REV3L: variants seen among roughly 807,000 people sequenced by gnomAD.
REV3L encodes DNA polymerase zeta catalytic subunit.
Under a neutral mutation model 299.4 loss-of-function variants are expected in REV3L, and 69 were observed. The observed-to-expected ratio is 0.23, with a 90% CI of 0.19 to 0.28. REV3L has a LOEUF of 0.28. REV3L is among the 10% of genes least tolerant of loss of function. The pLI, the probability that REV3L is intolerant of heterozygous loss-of-function variation, is 1.00. For missense variants in REV3L, 3,128 were observed against 3,693.8 expected, an observed-to-expected ratio of 0.85 and a Z score of 3.97; for synonymous variants, 1,238 against 1,271.4, an observed-to-expected ratio of 0.97 and a Z score of 0.56.
In REV3L at chr6:111,358,805, A is replaced by T; in HGVS notation, c.7072+17T>A. The stretch of plus-strand genomic sequence containing the variant: ...CCTAGAGTGGGCAGGTATATCATTA[A>T]TAAAAATGGACAATACCTTGACTGA... On this transcript the variant is annotated intron_variant, in intron 17 of 31. Transcript: ENST00000368802. 1 of 1,588,648 alleles carries T rather than the reference A, an allele frequency of 6.3e-7. No individual in the cohort carries two copies. Among genetic ancestry groups the T allele is most frequent in the African/African-American group, 1.3e-5 (1 of 74,670 alleles).
Position 111,375,903 on chromosome 6 carries a change from T to C in REV3L, c.2452A>G (p.Thr818Ala), listed in dbSNP as rs141930446. The C allele has an allele frequency of 4.7e-4, 757 of 1,614,034 alleles. 4 individuals are homozygous for C. The highest frequency in any genetic ancestry group is 1.5e-3 in the Middle Eastern group (9 of 6,062). Reference protein sequence around the residue: ...LTRPQKLSPVTYKLQPGNKPS... With the variant: ...LTRPQKLSPVAYKLQPGNKPS... ...TTATTGCCAGGTTGTAATTTATATG[T>C]GACAGGAGATAGTTTCTGTGGTCTA... Residue 818 changes from threonine (T) to alanine (A), a missense_variant, in exon 13 of 32, where the codon ACA (threonine) becomes GCA (alanine). Physicochemically the swap from Thr to Ala is moderately conservative, Grantham distance 58. Coordinates refer to ENST00000368802, the MANE Select transcript of REV3L (RefSeq NM_001372078.1).
chr6:111,436,100 T>G (rs1454777341), intron 1 of REV3L, among the ~76,000 whole-genome samples: 2 of 152,190 alleles, frequency 1.3e-5, no homozygotes, highest in Non-Finnish European at 1.5e-5. Context: ...AAAATCATAA[T>G]GCGATATCAT....
intron 26 of REV3L, among the ~76,000 whole-genome samples, chr6:111,317,013 G>T (rs753861328): frequency 1.3e-5 from 2 of 152,042 alleles, no homozygotes; most frequent in Non-Finnish European, 2.9e-5. Context: ...ACCAACAGAA[G>T]TAATGGTTAA....
intron 26 of REV3L, among the ~76,000 whole-genome samples, chr6:111,319,950 C>T (rs1582495545): frequency 1.3e-5 from 2 of 151,706 alleles, no homozygotes; most frequent in South Asian, 4.2e-4. Flanking sequence ...CTGCCTCAGC[C>T]TCCTGAGTAG....
At chr6:111,351,916 G>C in intron 18 of REV3L, 125 bp from the exon 19 acceptor site, 1 of 580,522 alleles carries the variant, frequency 1.7e-6, no homozygotes, top group East Asian at 3.0e-5. Flanking sequence ...TGCCCAGATG[G>C]AGAAGGGATG....
chr6:111,375,556 C>A lies in REV3L; in HGVS notation c.2799G>T (p.Glu933Asp). 6.2e-7 allele frequency: 1 copy of A among 1,613,712 alleles called. No homozygotes were observed. Among genetic ancestry groups the A allele is most frequent in the Non-Finnish European group, 8.5e-7 (1 of 1,179,858 alleles). The change falls in exon 13 of 32, where the codon GAG becomes GAT. Residue 933 changes from glutamate to aspartate, a missense_variant. Physicochemically the swap from Glu to Asp is conservative, Grantham distance 45. Transcript: ENST00000368802. Reference sequence around the variant, plus strand: ...TTGAGTTGTGAGTTACAAAACTTGACTCACTGTCTTCAGTCTCATAATTTA... The same window carrying A: ...TTGAGTTGTGAGTTACAAAACTTGAATCACTGTCTTCAGTCTCATAATTTA... ...RKVNYETEDS[E>D]SSFVTHNSKI...
At chr6:111,418,146 T>C (rs1374687554) in intron 1 of REV3L, among the ~76,000 whole-genome samples, 2 of 152,222 alleles carry the variant, frequency 1.3e-5, no homozygotes, top group African/African-American at 4.8e-5. Context: ...ACTGGTATGC[T>C]AAACTACAGG....
chr6:111,445,186 TAAC>T (rs1209700449), intron 1 of REV3L, among the ~76,000 whole-genome samples: 1 of 152,270 alleles, frequency 6.6e-6, no homozygotes, highest in African/African-American at 2.4e-5. Context: ...AAAAAAGTGT[TAAC>T]AAGAATGCAG....
chr6:111,341,054 TGAGATGGAG>T (rs1776432642), intron 21 of REV3L, among the ~76,000 whole-genome samples: 1 of 150,678 alleles, frequency 6.6e-6, no homozygotes. Context: ...TTTTTTTTTT[TGAGATGGAG>T]TCTTGCTGTG....
chr6:111,331,463 G>T (rs1364258699), intron 24 of REV3L, among the ~76,000 whole-genome samples: 2 of 152,164 alleles, frequency 1.3e-5, no homozygotes, highest in African/African-American at 4.8e-5. Context: ...ACAATTTAAA[G>T]ATTTAAAACC....
chr6:111,411,349 G>A (rs972953784), intron 3 of REV3L, 131 bp downstream of exon 3: 8 of 634,682 alleles, frequency 1.3e-5, no homozygotes, highest in Non-Finnish European at 1.7e-5. Context: ...CTCTATACAC[G>A]TACATGTGTA....
At chr6:111,481,900 T>G (rs1418006810) in intron 1 of REV3L, among the ~76,000 whole-genome samples, 1 of 152,150 alleles carries the variant, frequency 6.6e-6, no homozygotes, top group African/African-American at 2.4e-5. Context: ...CATAGTTGTG[T>G]TTAAAAAATA....
At position 111,452,591 on chromosome 6, in the gene REV3L, A is replaced by G. The variant is rs564243106; in HGVS notation, c.139+30159T>C. On this transcript the variant is annotated intron_variant, in intron 1 of 31. Transcript: ENST00000368802. ...AAGAAAGTCTAGAAATGGCAAAACT[A>G]TAAGTGATTACAGTGATATAGCAGA... Among the ~76,000 whole-genome samples the G allele has an allele frequency of 2.2e-4, 33 of 152,314 alleles. 1 individual carries two copies. In the South Asian group the frequency reaches 2.5e-3, roughly 11 times the overall value.
intron 20 of REV3L, among the ~76,000 whole-genome samples, chr6:111,345,617 C>T (rs1230113768): frequency 6.6e-6 from 1 of 152,124 alleles, no homozygotes; most frequent in Non-Finnish European, 1.5e-5. Context: ...AAATCTCATG[C>T]ATCCCATTCT....
chr6:111,470,626 CTAAGG>C (rs1252876942), intron 1 of REV3L, among the ~76,000 whole-genome samples: 1 of 152,182 alleles, frequency 6.6e-6, no homozygotes, highest in African/African-American at 2.4e-5. Flanking sequence ...GCATTATCAA[CTAAGG>C]TGTGAGACAT....
chr6:111,423,886 G>A (rs542940989), intron 1 of REV3L, among the ~76,000 whole-genome samples: 13 of 152,272 alleles, frequency 8.5e-5, no homozygotes, highest in Admixed American at 4.6e-4. Context: ...GTAAAAGAGG[G>A]GCGGGTTGAC....
At position 111,375,247 on chromosome 6, in the gene REV3L, G is replaced by A. The variant is rs750872402; in HGVS notation, c.3108C>T (p.Pro1036=). Residue 1036 remains proline, a synonymous_variant, in exon 13 of 32, where the codon CCC becomes CCT. Transcript: ENST00000368802. ...TTTTCTTTGGTGTTAGTGGATAAAT[G>A]GGATATTTGGTTGCAGGGGAGTCGG... ...KVPDSPATKY[P]IYPLTPKKSH... is the part of the protein sequence containing the mutation. The A allele has an allele frequency of 1.2e-6, 2 of 1,611,922 alleles. No homozygotes were observed. Among genetic ancestry groups the A allele is most frequent in the South Asian group, 2.2e-5 (2 of 89,938 alleles).
intron 17 of REV3L, among the ~76,000 whole-genome samples, chr6:111,357,699 A>C (rs1431142889): frequency 6.6e-6 from 1 of 152,176 alleles, no homozygotes; most frequent in Non-Finnish European, 1.5e-5. Flanking sequence ...TCTCAAAAAA[A>C]AAAAGAAAAT....
In REV3L at chr6:111,349,175, C is replaced by A. The variant is rs199837214; in HGVS notation, c.7419+43G>T. On this transcript the variant is annotated intron_variant, in intron 20 of 31. Transcript: ENST00000368802. ...ATAATGATTAAATCATTATATTGAC[C>A]GAATATCTTATTTCTAAACAACATT... 9.1e-6 allele frequency: 9 copies of A among 985,114 alleles called. No individual in the cohort carries two copies. The South Asian group carries it at 9.4e-5, about 10-fold the overall frequency. 61.0% of individuals were successfully genotyped at this position (985,114 alleles called of 1,614,324 possible). A position where few individuals can be genotyped will look rare whatever the true frequency, so the allele number is the denominator to read the frequency against.
Sources: gnomAD v4.1 joint callset for allele counts (sites outside exome capture counted in the v4.1 genomes callset) on GRCh38, gnomAD v4.1.1 for gene constraint, MANE v1.5 for transcripts, NCBI Gene and HGNC (gene_info 2026-07-23, HGNC 2026-07-21) for gene names.